CNTNAP2: variants seen among roughly 807,000 people sequenced by gnomAD.
CNTNAP2 encodes the protein contactin-associated protein-like 2.
In CNTNAP2, 98 loss-of-function variants were observed where a neutral mutation model predicts 155.2. The ratio of observed to expected loss-of-function variants is 0.63; its 90% confidence interval spans 0.54 to 0.75. CNTNAP2 has a LOEUF of 0.75. Ranked by LOEUF, CNTNAP2 falls within the 30% of genes least tolerant of loss-of-function variation. CNTNAP2 has a pLI of 0.00. For synonymous variants in CNTNAP2, 651 were observed against 631.2 expected, an observed-to-expected ratio of 1.03 and a Z score of -0.47; for missense variants, 1,727 against 1,688.1, an observed-to-expected ratio of 1.02 and a Z score of -0.40.
chr7:147,894,965 C>CTTTCTTT (rs1799754230), intron 13 of CNTNAP2, among the ~76,000 whole-genome samples: 1 of 36,180 alleles, frequency 2.8e-5, no homozygotes, highest in African/African-American at 1.5e-4. Context: ...TTCTTTCTTT[C>CTTTCTTT]TTTTTTTTTT....
chr7:147,693,368 C>T (rs1796117204), intron 13 of CNTNAP2, among the ~76,000 whole-genome samples: 1 of 152,010 alleles, frequency 6.6e-6, no homozygotes. Context: ...ACTTTGTCAA[C>T]ATTCACAAAA....
intron 1 of CNTNAP2, among the ~76,000 whole-genome samples, chr7:146,619,895 T>G (rs1799289508): frequency 6.6e-6 from 1 of 152,132 alleles, no homozygotes; most frequent in African/African-American, 2.4e-5. Context: ...GTTTCATTTT[T>G]ATAATTGGAT....
At chr7:146,360,990 C>T (rs1451901645) in intron 1 of CNTNAP2, among the ~76,000 whole-genome samples, 1 of 152,136 alleles carries the variant, frequency 6.6e-6, no homozygotes, top group African/African-American at 2.4e-5. Context: ...TCAGAAATTA[C>T]ATATAACATC....
chr7:146,720,413 G>A (rs879849928), intron 1 of CNTNAP2, among the ~76,000 whole-genome samples: 4 of 152,020 alleles, frequency 2.6e-5, no homozygotes, highest in Admixed American at 2.6e-4. Context: ...TATGCTTAGG[G>A]GACACAAAAG....
At chr7:147,664,398 A>C (rs1436159345) in intron 13 of CNTNAP2, among the ~76,000 whole-genome samples, 1 of 152,166 alleles carries the variant, frequency 6.6e-6, no homozygotes, top group Non-Finnish European at 1.5e-5. Context: ...GAGGTATGCA[A>C]GGTCTTACAT....
chr7:147,722,923 A>G (rs1796586094), intron 13 of CNTNAP2, among the ~76,000 whole-genome samples: 2 of 152,104 alleles, frequency 1.3e-5, no homozygotes, highest in African/African-American at 2.4e-5. Flanking sequence ...AATGCTATAG[A>G]TAGTTGACTT....
At chr7:146,834,166 C>T (rs75113608) in intron 2 of CNTNAP2, among the ~76,000 whole-genome samples, 3,399 of 152,152 alleles carry the variant, frequency 0.022, 115 homozygotes, top group African/African-American at 0.073. Context: ...TTGAGTGCCG[C>T]GTTTCTTCAG....
intron 12 of CNTNAP2, among the ~76,000 whole-genome samples, chr7:147,591,090 A>G (rs1475630684): frequency 6.6e-6 from 1 of 152,224 alleles, no homozygotes; most frequent in Non-Finnish European, 1.5e-5. Context: ...CACTCAAACC[A>G]AAACCCTTCA....
intron 15 of CNTNAP2, among the ~76,000 whole-genome samples, chr7:147,990,332 A>T (rs117486843): frequency 0.042 from 6,459 of 152,298 alleles, 211 homozygotes; most frequent in Middle Eastern, 0.068. Context: ...TTTGGAGAAC[A>T]AACCTAAGAG....
At chr7:146,907,616 C>T (rs961120593) in intron 3 of CNTNAP2, among the ~76,000 whole-genome samples, 23 of 149,542 alleles carry the variant, frequency 1.5e-4, no homozygotes, top group Non-Finnish European at 2.1e-4. Context: ...ATTTTGTCAC[C>T]ACCAAGCCTG....
intron 1 of CNTNAP2, among the ~76,000 whole-genome samples, chr7:146,398,078 C>T (rs902583514): frequency 2.6e-5 from 4 of 151,520 alleles, no homozygotes; most frequent in African/African-American, 9.7e-5. Context: ...CACCATGTTG[C>T]CCAGGATGGT....
chr7:147,181,977 T>C (rs1191991756), intron 8 of CNTNAP2, among the ~76,000 whole-genome samples: 3 of 151,752 alleles, frequency 2.0e-5, no homozygotes, highest in Non-Finnish European at 2.9e-5. Flanking sequence ...ATACAAAAAT[T>C]AGCTGGGCAT....
At chr7:148,319,006 C>T (rs1797740395) in intron 21 of CNTNAP2, among the ~76,000 whole-genome samples, 1 of 152,334 alleles carries the variant, frequency 6.6e-6, no homozygotes, top group South Asian at 2.1e-4. Context: ...AGTTTAACAA[C>T]TTCCCCATGA....
intron 13 of CNTNAP2, among the ~76,000 whole-genome samples, chr7:147,655,291 G>T (rs1190007061): frequency 6.6e-6 from 1 of 151,406 alleles, no homozygotes; most frequent in Non-Finnish European, 1.5e-5. Flanking sequence ...CTTAGCTAAT[G>T]TTTGTATTTT....
At chr7:148,350,971 G>A (rs1466949297) in intron 21 of CNTNAP2, among the ~76,000 whole-genome samples, 1 of 152,166 alleles carries the variant, frequency 6.6e-6, no homozygotes, top group Non-Finnish European at 1.5e-5. Flanking sequence ...TACTTACTGG[G>A]CCCTCCAGTG....
intron 1 of CNTNAP2, among the ~76,000 whole-genome samples, chr7:146,256,149 A>T (rs1448860997): frequency 2.0e-5 from 3 of 152,170 alleles, no homozygotes; most frequent in African/African-American, 7.2e-5. Context: ...TCTTTGGGTC[A>T]TAGGTCTTCC....
rs927021371 is a variant in CNTNAP2 at position 146,539,507 on chromosome 7, C to T, written c.98-234764C>T. Among the ~76,000 whole-genome samples the T allele has an allele frequency of 6.6e-5, 10 of 151,902 alleles. No individual in the cohort carries two copies. In the East Asian group the frequency reaches 7.8e-4, roughly 12 times the overall value. On this transcript the variant is annotated intron_variant, in intron 1 of 23. Transcript: ENST00000361727. ...ATGGTTAAATATTCATTCATGATTA[C>T]CCAGAGACATAAAGCTACGGTAGAA...
chr7:146,416,114 T>A (rs983917223), intron 1 of CNTNAP2, among the ~76,000 whole-genome samples: 3 of 151,618 alleles, frequency 2.0e-5, no homozygotes, highest in Non-Finnish European at 4.4e-5. Context: ...TTCATAACTT[T>A]TTATATATAA....
chr7:146,537,617 GT>G (rs1554445642), intron 1 of CNTNAP2, among the ~76,000 whole-genome samples: 1 of 152,078 alleles, frequency 6.6e-6, no homozygotes, highest in Non-Finnish European at 1.5e-5. Flanking sequence ...GCGATTTTAA[GT>G]TGGGTGGTAT....
Sources: allele counts gnomAD v4.1 joint callset (sites outside exome capture counted in the v4.1 genomes callset), GRCh38; gene constraint gnomAD v4.1.1; transcripts MANE v1.5; gene names NCBI Gene and HGNC (gene_info 2026-07-23, HGNC 2026-07-21).